FRMD5: variants seen among roughly 807,000 people sequenced by gnomAD.
FRMD5 encodes FERM domain containing 5.
FRMD5 carries 20 observed loss-of-function variants against 69.0 expected under a neutral mutation model. The observed-to-expected ratio is 0.29, with a 90% CI of 0.20 to 0.42. The LOEUF is 0.42. Among genes scored for constraint, FRMD5 ranks in the 10% least tolerant of loss-of-function variants. The pLI is 1.00. For missense variants in FRMD5, 595 were observed against 708.6 expected (o/e 0.84, Z 1.82); for synonymous variants, 271 against 260.1 (o/e 1.04, Z -0.40).
At chr15:43,989,063 A>C (rs1437574973) in intron 1 of FRMD5, 2 of 885,004 alleles carry the variant, frequency 2.3e-6, no homozygotes, top group Non-Finnish European at 3.8e-6. Flanking sequence ...CAGTCCGCCT[A>C]GAAGCATCTG....
chr15:43,989,769 G>T, intron 1 of FRMD5: 1 of 996,922 alleles, frequency 1.0e-6, no homozygotes, highest in South Asian at 1.3e-5. Flanking sequence ...GGGACAGCAC[G>T]GCCTGGATGG....
intron 1 of FRMD5, among the ~76,000 whole-genome samples, chr15:44,018,069 A>G (rs1891051463): frequency 6.6e-6 from 1 of 152,186 alleles, no homozygotes; most frequent in South Asian, 2.1e-4. Context: ...ATTTAAATCA[A>G]TATTTTATCT....
intron 1 of FRMD5, among the ~76,000 whole-genome samples, chr15:43,971,002 T>A (rs754512504): frequency 2.0e-5 from 3 of 152,080 alleles, no homozygotes; most frequent in Non-Finnish European, 4.4e-5. Flanking sequence ...GTAATCCCAA[T>A]GCTTTGGGAG....
rs75021323 is a variant in FRMD5, at chr15:44,123,766, A to C, written c.102+71187T>G. Among the ~76,000 whole-genome samples the C allele has an allele frequency of 2.3e-3, 349 of 152,300 alleles. 8 individuals are homozygous for C. In the East Asian group the frequency reaches 0.058, roughly 25 times the overall value. On this transcript the variant is annotated intron_variant, in intron 1 of 13. Transcript: ENST00000417257. ...AAAAAGATAAATTTTGAAAAAGAAA[A>C]TACAAATGGGAATCATCTGAGAAAA...
chr15:44,027,842 C>T (rs1204043189), intron 1 of FRMD5, among the ~76,000 whole-genome samples: 1 of 152,004 alleles, frequency 6.6e-6, no homozygotes, highest in Non-Finnish European at 1.5e-5. Context: ...GACAGGGTTT[C>T]ACTGTGTTAG....
intron 1 of FRMD5, among the ~76,000 whole-genome samples, chr15:43,979,964 G>A (rs2090523664): frequency 6.6e-6 from 1 of 152,174 alleles, no homozygotes; most frequent in African/African-American, 2.4e-5. Flanking sequence ...AGTATTTAAG[G>A]TAAAGGAACC....
At chr15:43,994,088 T>C (rs550003133) in intron 1 of FRMD5, among the ~76,000 whole-genome samples, 8 of 152,378 alleles carry the variant, frequency 5.3e-5, no homozygotes, top group East Asian at 1.9e-4. Flanking sequence ...AAAGTAATTA[T>C]TGATAGGTAG....
chr15:43,947,886 C>T (rs1054642649), intron 1 of FRMD5, among the ~76,000 whole-genome samples: 3 of 152,154 alleles, frequency 2.0e-5, no homozygotes, highest in Non-Finnish European at 1.5e-5. Flanking sequence ...TAAAAGCTAA[C>T]GAGTAGCCAA....
At chr15:43,924,915 T>C (rs1183290423) in intron 1 of FRMD5, among the ~76,000 whole-genome samples, 2 of 152,034 alleles carry the variant, frequency 1.3e-5, no homozygotes, top group African/African-American at 4.8e-5. Context: ...AAGGATATAC[T>C]ATGAACAGTA....
chr15:43,887,593 C>T (rs2088693773), intron 10 of FRMD5, among the ~76,000 whole-genome samples: 1 of 152,230 alleles, frequency 6.6e-6, no homozygotes, highest in African/African-American at 2.4e-5. Context: ...GCCCTGGCAA[C>T]TGGGAGGACC....
chr15:44,061,945 A>T (rs1024497802), intron 1 of FRMD5, among the ~76,000 whole-genome samples: 2 of 152,232 alleles, frequency 1.3e-5, no homozygotes. Flanking sequence ...GGCTAGGGAC[A>T]GTTCATTCTT....
At chr15:44,103,647 C>G (rs1399129613) in intron 1 of FRMD5, among the ~76,000 whole-genome samples, 2 of 152,178 alleles carry the variant, frequency 1.3e-5, no homozygotes, top group East Asian at 3.8e-4. Flanking sequence ...TTCATCACCC[C>G]AAAAAGAAAT....
intron 1 of FRMD5, among the ~76,000 whole-genome samples, chr15:43,960,612 G>A (rs989621636): frequency 3.3e-5 from 5 of 151,890 alleles, no homozygotes; most frequent in Middle Eastern, 3.4e-3. Context: ...TCAAGCTCCC[G>A]ACCTCAGGTG....
chr15:44,106,874 C>G (rs560729557), intron 1 of FRMD5, among the ~76,000 whole-genome samples: 5 of 152,278 alleles, frequency 3.3e-5, no homozygotes, highest in African/African-American at 1.2e-4. Context: ...GGTCTCAGGA[C>G]CCCTTTACAC....
chr15:43,909,422 C>A (rs2035107471), intron 5 of FRMD5, among the ~76,000 whole-genome samples: 2 of 149,752 alleles, frequency 1.3e-5, no homozygotes, highest in Non-Finnish European at 3.0e-5. Context: ...ACAAAACAAA[C>A]AAAAAAAACT....
At chr15:44,186,775 T>C (rs2140590787) in intron 1 of FRMD5, among the ~76,000 whole-genome samples, 1 of 152,364 alleles carries the variant, frequency 6.6e-6, no homozygotes. Flanking sequence ...AATAACCTAT[T>C]AGCATTGGCA....
chr15:43,945,730 T>A (rs78701072), intron 1 of FRMD5, among the ~76,000 whole-genome samples: 330 of 152,212 alleles, frequency 2.2e-3, no homozygotes, highest in Admixed American at 4.8e-3. Flanking sequence ...CATTGCACCA[T>A]AGAAAGCAAA....
Position 44,007,637 on chromosome 15 carries a change from A to ATTTTTTT in FRMD5, c.103-83335_103-83329dup, listed in dbSNP as rs35512441. Among the ~76,000 whole-genome samples, 80 of 81,128 alleles carry ATTTTTTT rather than the reference A, an allele frequency of 9.9e-4. 3 individuals are homozygous for ATTTTTTT. The highest frequency in any genetic ancestry group is 2.0e-3 in the South Asian group (4 of 2,026). 53.2% of individuals were successfully genotyped at this position (81,128 alleles called of 152,430 possible). On this transcript the variant is annotated intron_variant, in intron 1 of 13. Coordinates refer to ENST00000417257, the MANE Select transcript of FRMD5 (RefSeq NM_032892.5). ...TCTAATTTTTTTAATTAATTAACTA[A>ATTTTTTT]TTTTTTTTTTTTTTTTTTTTTTTTT...
intron 13 of FRMD5, among the ~76,000 whole-genome samples, chr15:43,881,949 C>A (rs1455231867): frequency 6.6e-6 from 1 of 152,176 alleles, no homozygotes. Context: ...AGCATTCTTA[C>A]AGAAAGGACA....
Sources: allele counts gnomAD v4.1 joint callset (sites outside exome capture counted in the v4.1 genomes callset), GRCh38; gene constraint gnomAD v4.1.1; transcripts MANE v1.5; gene names NCBI Gene and HGNC (gene_info 2026-07-23, HGNC 2026-07-21).